Variants in VAV3 observed in about 807,000 individuals in gnomAD.
VAV3 encodes the protein guanine nucleotide exchange factor VAV3.
A neutral mutation model predicts 131.2 loss-of-function variants in VAV3; 94 were observed. The observed-to-expected ratio is 0.72, with a 90% CI of 0.61 to 0.85. The LOEUF (loss-of-function observed/expected upper bound fraction) is 0.85. VAV3 is among the 40% of genes least tolerant of loss of function. The pLI, the probability that VAV3 is intolerant of heterozygous loss-of-function variation, is 0.00. For synonymous variants in VAV3, 349 were observed against 342.0 expected (o/e 1.02, Z -0.22); for missense variants, 939 against 1,002.7 (o/e 0.94, Z 0.86).
chr1:107,950,589 G>A (rs2101335371), intron 1 of VAV3, among the ~76,000 whole-genome samples: 2 of 152,308 alleles, frequency 1.3e-5, no homozygotes, highest in East Asian at 3.9e-4. Context: ...GACAGTAAAA[G>A]CAAGGTGGTA....
At chr1:107,838,167 G>A (rs1316749285) in intron 2 of VAV3, among the ~76,000 whole-genome samples, 2 of 151,968 alleles carry the variant, frequency 1.3e-5, no homozygotes, top group South Asian at 2.1e-4. Flanking sequence ...GAATCTATCA[G>A]GAACTTAAAT....
chr1:107,573,933 G>T, intron 26 of VAV3, 114 bp downstream of exon 26: 1 of 1,369,766 alleles, frequency 7.3e-7, no homozygotes, highest in South Asian at 1.6e-5. Flanking sequence ...AGAGGCCTGT[G>T]GGCTGAAAGC....
chr1:107,916,152 A>G (rs1422028392), intron 1 of VAV3, among the ~76,000 whole-genome samples: 1 of 152,206 alleles, frequency 6.6e-6, no homozygotes, highest in Non-Finnish European at 1.5e-5. Context: ...TGATCCAGAC[A>G]TCACATTAAA....
In VAV3 at chr1:107,681,870, C is replaced by T. The variant is rs546457965; in HGVS notation, c.1777+1618G>A. 7.3e-4 allele frequency among the ~76,000 whole-genome samples: 111 copies of T among 152,162 alleles called. 1 individual carries two copies. The highest frequency in any genetic ancestry group is 2.6e-3 in the African/African-American group (109 of 41,532). Reference sequence around the variant, plus strand: ...AGAGATGGGGTTTCACCGTGTTAGCCAGGATGGTCTCCATCTCCTGACCTC... The same window carrying T: ...AGAGATGGGGTTTCACCGTGTTAGCTAGGATGGTCTCCATCTCCTGACCTC... On this transcript the variant is annotated intron_variant, in intron 19 of 26. Transcript: ENST00000370056.
At chr1:107,938,623 T>C (rs868196495) in intron 1 of VAV3, among the ~76,000 whole-genome samples, 1 of 152,160 alleles carries the variant, frequency 6.6e-6, no homozygotes, top group Non-Finnish European at 1.5e-5. Context: ...TCTCTCCATG[T>C]TTCCTGTTTT....
intron 15 of VAV3, among the ~76,000 whole-genome samples, chr1:107,737,655 A>T (rs553694093): frequency 6.7e-4 from 102 of 152,350 alleles, no homozygotes; most frequent in African/African-American, 2.3e-3. Context: ...CCACAATGAG[A>T]TACCATCTCA....
In VAV3 at chr1:107,622,518, C is replaced by T. The variant is rs140006871; in HGVS notation, c.1915-4886G>A. Among the ~76,000 whole-genome samples, 7 of 152,302 alleles carry T rather than the reference C, an allele frequency of 4.6e-5. No homozygotes were observed. In the East Asian group the frequency reaches 1.2e-3, roughly 25 times the overall value. ...AAAATACAGTGTCTCTTCCCTGTGGCTCATTTATCCCCTTAATACTACCTG... is the reference window on the plus strand; with the variant it reads ...AAAATACAGTGTCTCTTCCCTGTGGTTCATTTATCCCCTTAATACTACCTG... On this transcript the variant is annotated intron_variant, in intron 20 of 26. Coordinates refer to ENST00000370056, the MANE Select transcript of VAV3 (RefSeq NM_006113.5).
intron 20 of VAV3, among the ~76,000 whole-genome samples, chr1:107,624,748 A>C (rs1353580879): frequency 6.6e-6 from 1 of 152,208 alleles, no homozygotes; most frequent in African/African-American, 2.4e-5. Flanking sequence ...TTTTTAAAGA[A>C]TGTTACTTTT....
In VAV3 at chr1:107,769,360, A is replaced by G. The variant is rs935515924; in HGVS notation, c.649-851T>C. Among the ~76,000 whole-genome samples, 4 of 152,210 alleles carry G rather than the reference A, an allele frequency of 2.6e-5. No homozygotes were observed. In the East Asian group the frequency reaches 5.8e-4, roughly 22 times the overall value. ...GACATTACCGATCGTCTAATTTTCAATATGACCACAAAACTCAACTGGGCC... is the reference window on the plus strand; with the variant it reads ...GACATTACCGATCGTCTAATTTTCAGTATGACCACAAAACTCAACTGGGCC... On this transcript the variant is annotated intron_variant, in intron 6 of 26. Coordinates refer to ENST00000370056, the MANE Select transcript of VAV3 (RefSeq NM_006113.5).
At chr1:107,611,607 AAC>A (rs1491279187) in intron 21 of VAV3, among the ~76,000 whole-genome samples, 2,685 of 143,432 alleles carry the variant, frequency 0.019, 92 homozygotes, top group East Asian at 0.12. Flanking sequence ...AAAAAAAAAA[AAC>A]AAACAAACAA....
Position 107,572,170 on chromosome 1 carries a change from C to T in VAV3, c.*1161G>A, listed in dbSNP as rs558834322. The T allele has an allele frequency of 3.2e-4, 49 of 152,294 alleles. No homozygotes were observed. Among genetic ancestry groups the T allele is most frequent in the African/African-American group, 1.2e-3 (48 of 41,552 alleles). The allele number at this position is 152,294 out of a possible 1,614,324, so 9.4% of individuals were successfully genotyped here. ...ATGGCTGGGCAAAACAAATGTACTGCAAGACCCATCTTCCCTCCAGTTAAT... is the reference window on the plus strand; with the variant it reads ...ATGGCTGGGCAAAACAAATGTACTGTAAGACCCATCTTCCCTCCAGTTAAT... On this transcript the variant is annotated 3_prime_UTR_variant, in exon 27 of 27. Coordinates refer to ENST00000370056, the MANE Select transcript of VAV3 (RefSeq NM_006113.5).
At chr1:107,751,239 AT>A (rs1663704335) in intron 12 of VAV3, 37 bp from the exon 13 acceptor site, 2 of 1,511,508 alleles carry the variant, frequency 1.3e-6, no homozygotes. Context: ...GTTTTTCATA[AT>A]CACATGAAAA....
At chr1:107,785,750 C>T in intron 2 of VAV3, 1 of 735,690 alleles carries the variant, frequency 1.4e-6, no homozygotes, top group Non-Finnish European at 1.7e-6. Flanking sequence ...TAGACCAGGT[C>T]AACTGCAAGC....
chr1:107,821,046 A>C (rs1667771876), intron 2 of VAV3: 1 of 152,190 alleles, frequency 6.6e-6, no homozygotes, highest in Non-Finnish European at 1.5e-5. Flanking sequence ...CTCTGGAAAA[A>C]TACAATATAA....
At chr1:107,951,885 G>C (rs1449097869) in intron 1 of VAV3, among the ~76,000 whole-genome samples, 1 of 151,688 alleles carries the variant, frequency 6.6e-6, no homozygotes, top group Non-Finnish European at 1.5e-5. Flanking sequence ...GTGTAAATTA[G>C]TTCAACATTT....
chr1:107,885,233 T>C (rs959667830), intron 1 of VAV3, among the ~76,000 whole-genome samples: 4 of 147,398 alleles, frequency 2.7e-5, no homozygotes, highest in African/African-American at 1.0e-4. Flanking sequence ...AGGGAAAAGG[T>C]GACACATAAG....
intron 19 of VAV3, among the ~76,000 whole-genome samples, chr1:107,682,609 A>T (rs1367943630): frequency 6.6e-6 from 1 of 152,044 alleles, no homozygotes. Context: ...AATCTTAAAC[A>T]GCTCATAAAC....
chr1:107,839,639 G>A (rs1337266669), intron 2 of VAV3, among the ~76,000 whole-genome samples: 1 of 151,974 alleles, frequency 6.6e-6, no homozygotes, highest in Non-Finnish European at 1.5e-5. Context: ...AACAACTTAA[G>A]CTTAGAGCAG....
At chr1:107,660,944 T>C (rs1255250572) in intron 19 of VAV3, among the ~76,000 whole-genome samples, 1 of 152,018 alleles carries the variant, frequency 6.6e-6, no homozygotes, top group Non-Finnish European at 1.5e-5. Flanking sequence ...AACATATGGT[T>C]GAGGGAAAAA....
Sources: gnomAD v4.1 joint callset for allele counts (sites outside exome capture counted in the v4.1 genomes callset) on GRCh38, gnomAD v4.1.1 for gene constraint, MANE v1.5 for transcripts, NCBI Gene and HGNC (gene_info 2026-07-23, HGNC 2026-07-21) for gene names.